CLU: variants seen among roughly 807,000 people sequenced by gnomAD.
The protein encoded by CLU is clusterin, also known as aging-associated protein 4.
A neutral mutation model predicts 46.4 loss-of-function variants in CLU; 25 were observed. That is an observed-to-expected ratio of 0.54 (90% confidence interval 0.39 to 0.75). The LOEUF is 0.75. Among genes scored for constraint, CLU ranks in the 30% least tolerant of loss-of-function variants. The pLI is 0.00. For missense variants in CLU, 504 were observed against 592.1 expected, an observed-to-expected ratio of 0.85 and a Z score of 1.54; for synonymous variants, 235 against 235.1, an observed-to-expected ratio of 1.00 and a Z score of 0.00.
chr8:27,606,837 T>A (rs1251051896), intron 3 of CLU, among the ~76,000 whole-genome samples: 2 of 152,238 alleles, frequency 1.3e-5, no homozygotes, highest in Non-Finnish European at 2.9e-5. Flanking sequence ...ATGACTACCC[T>A]CTCACTGAAG....
chr8:27,600,141 A>C, intron 6 of CLU, 132 bp from the exon 7 acceptor site: 1 of 720,764 alleles, frequency 1.4e-6, no homozygotes, highest in South Asian at 1.5e-5. Flanking sequence ...AAGGGCCACA[A>C]ACTGGAATTG....
rs144959547 is a variant in CLU, at chr8:27,598,486, C to A, written c.1314G>T (p.Ala438=). The A allele has an allele frequency of 1.4e-4, 224 of 1,614,038 alleles. No individual in the cohort carries two copies. In the African/African-American group the frequency reaches 2.6e-3, roughly 19 times the overall value. ...PKFMETVAEK[A]LQEYRKKHRE... is the part of the protein sequence containing the mutation. Reference sequence around the variant, plus strand: ...GGTGCTTTTTGCGGTATTCCTGCAGCGCTTTCTCCGCCACGGTCTCCATAA... The same window carrying A: ...GGTGCTTTTTGCGGTATTCCTGCAGAGCTTTCTCCGCCACGGTCTCCATAA... The change falls in exon 8 of 9, where the codon GCG becomes GCT. Residue 438 remains alanine, a synonymous_variant. Coordinates refer to ENST00000316403, the MANE Select transcript of CLU (RefSeq NM_001831.4).
intron 6 of CLU, 200 bp downstream of exon 6, chr8:27,604,091 G>A (rs964803949): frequency 1.7e-5 from 10 of 603,974 alleles, no homozygotes; most frequent in Non-Finnish European, 2.7e-5. Context: ...GGACAGCCTC[G>A]CATCATCATC....
In CLU at chr8:27,599,484, A is replaced by AAAC. The variant is rs771114415; in HGVS notation, c.1164+293_1164+295dup. The AAAC allele has an allele frequency of 9.5e-6, 4 of 421,272 alleles. No individual in the cohort carries two copies. In the South Asian group the frequency reaches 9.8e-5, roughly 10 times the overall value. 26.1% of individuals were successfully genotyped at this position (421,272 alleles called of 1,614,324 possible). The stretch of plus-strand genomic sequence containing the variant: ...TTCACAGATTTGTGCACCAAAACAA[A>AAAC]AACAACAACAACAAAATACAGGCTT... On this transcript the variant is annotated intron_variant, in intron 7 of 8. Transcript: ENST00000316403. This position sits in a 1 kb window ranked among gnomAD's most constrained non-coding sequence, Gnocchi z 4.0.
intron 3 of CLU, chr8:27,608,693 A>G: frequency 1.7e-6 from 1 of 595,538 alleles, no homozygotes. Flanking sequence ...CATCTATTGA[A>G]ATGAATCTGG....
At position 27,599,538 on chromosome 8, in the gene CLU, C is replaced by T. The variant is rs999859685; in HGVS notation, c.1164+242G>A. On this transcript the variant is annotated intron_variant, in intron 7 of 8. Coordinates refer to ENST00000316403, the MANE Select transcript of CLU (RefSeq NM_001831.4). This position sits in a 1 kb window ranked among gnomAD's most constrained non-coding sequence, Gnocchi z 4.0. Reference sequence around the variant, plus strand: ...AGCCAGGCAGTCAGGTTCAAATACCCGTCCAAGTCATCTGTCAGCTATCAC... The same window carrying T: ...AGCCAGGCAGTCAGGTTCAAATACCTGTCCAAGTCATCTGTCAGCTATCAC... 16 of 532,140 alleles carry T rather than the reference C, an allele frequency of 3.0e-5. No homozygotes were observed. Among genetic ancestry groups the T allele is most frequent in the East Asian group, 9.8e-5 (3 of 30,658 alleles). 33.0% of individuals were successfully genotyped at this position (532,140 alleles called of 1,614,324 possible). A position where few individuals can be genotyped will look rare whatever the true frequency, so the allele number is the denominator to read the frequency against.
chr8:27,606,191 C>G (rs1032631362), intron 4 of CLU, among the ~76,000 whole-genome samples, 163 bp downstream of exon 4: 2 of 152,216 alleles, frequency 1.3e-5, no homozygotes, highest in Non-Finnish European at 2.9e-5. Context: ...TTTGATGACT[C>G]CACTCTCTCT....
In CLU at chr8:27,598,647, A is replaced by G. The variant is rs1255019850; in HGVS notation, c.1165-12T>C. 2 of 1,613,636 alleles carry G rather than the reference A, an allele frequency of 1.2e-6. No homozygotes were observed. The highest frequency in any genetic ancestry group is 1.7e-5 in the Admixed American group (1 of 60,034). ...GTGTGGGAAGCCACCTAAATGGAAC[A>G]AGAGAAAAGGGAAGAGCTGAAACAC... is the stretch of plus-strand genomic sequence containing the variant. On this transcript the variant is annotated splice_polypyrimidine_tract_variant and intron_variant, in intron 7 of 8. Transcript: ENST00000316403.
intron 1 of CLU, chr8:27,611,441 A>T: frequency 2.2e-6 from 1 of 455,838 alleles, no homozygotes; most frequent in South Asian, 1.6e-5. Context: ...TCCTGCCACC[A>T]CTGGGCTGGC....
At position 27,599,810 on chromosome 8, in the gene CLU, G is replaced by A. The variant is rs141360379; in HGVS notation, c.1134C>T (p.Gly378=). Residue 378 remains glycine (G), a synonymous_variant, in exon 7 of 9, where the codon GGC becomes GGT. Coordinates refer to ENST00000316403, the MANE Select transcript of CLU (RefSeq NM_001831.4). The surrounding 1 kb of genome is among the most constrained non-coding windows in gnomAD (Gnocchi z 4.0). The part of the protein sequence containing the change: ...WVSRLANLTQ[G]EDQYYLRVTT... ...TGACCCGCAGATAGTACTGGTCTTC[G>A]CCTTGCGTGAGGTTTGCCAGCCGGG... is the stretch of plus-strand genomic sequence containing the variant. 26 of 1,613,088 alleles carry A rather than the reference G, an allele frequency of 1.6e-5. No homozygotes were observed. Among genetic ancestry groups the A allele is most frequent in the Middle Eastern group, 1.6e-4 (1 of 6,084 alleles).
At position 27,599,439 on chromosome 8, in the gene CLU, G is replaced by A. The variant is rs1339585963; in HGVS notation, c.1164+341C>T. 9.0e-6 allele frequency: 3 copies of A among 331,882 alleles called. No individual in the cohort carries two copies. Among genetic ancestry groups the A allele is most frequent in the Admixed American group, 4.4e-5 (1 of 22,782 alleles). 20.6% of individuals were successfully genotyped at this position (331,882 alleles called of 1,614,324 possible). A position where few individuals can be genotyped will look rare whatever the true frequency, so the allele number is the denominator to read the frequency against. ...GGGCAGCCTTGTAGCTTTGAGAAAA[G>A]AACAGAGGCTTCTGGTTTATTCACA... On this transcript the variant is annotated intron_variant, in intron 7 of 8. Transcript: ENST00000316403. The surrounding 1 kb of genome is among the most constrained non-coding windows in gnomAD (Gnocchi z 4.0).
intron 1 of CLU, chr8:27,611,381 TCC>T (rs1800927103): frequency 2.2e-6 from 1 of 456,796 alleles, no homozygotes; most frequent in Admixed American, 2.3e-5. Flanking sequence ...TGCCAGGCCC[TCC>T]ACACTGCCCA....
rs1490680956 is a variant in CLU, at chr8:27,604,358, G to A, written c.867C>T (p.Arg289=). 1.9e-6 allele frequency: 3 copies of A among 1,614,104 alleles called. No individual in the cohort carries two copies. The highest frequency in any genetic ancestry group is 2.5e-6 in the Non-Finnish European group (3 of 1,180,046). Residue 289 remains arginine, a synonymous_variant, in exon 6 of 9, where the codon CGC becomes CGT. Coordinates refer to ENST00000316403, the MANE Select transcript of CLU (RefSeq NM_001831.4). ...TCCGCAGGCAGCCCGTGGAGTTGTGGCGGATCTCCCGGCACACAGTCCGGT... is the reference window on the plus strand; with the variant it reads ...TCCGCAGGCAGCCCGTGGAGTTGTGACGGATCTCCCGGCACACAGTCCGGT... ...DDDRTVCREI[R]HNSTGCLRMK...
chr8:27,599,973 CGCAGCTTA>C lies in CLU; in HGVS notation c.963_970del (p.Lys322AlafsTer11). ...CTGGAGGGATTCGTCGAGCTCCCGC[CGCAGCTTA>C]GCCTGGGAGGGGTTGTTGGTGGAAC... On this transcript the variant is annotated frameshift_variant, in exon 7 of 9. Coordinates refer to ENST00000316403, the MANE Select transcript of CLU (RefSeq NM_001831.4). LOFTEE classifies it high-confidence loss of function. This position sits in a 1 kb window ranked among gnomAD's most constrained non-coding sequence, Gnocchi z 4.0. The C allele has an allele frequency of 1.9e-6, 3 of 1,614,162 alleles. No homozygotes were observed. The highest frequency in any genetic ancestry group is 2.5e-6 in the Non-Finnish European group (3 of 1,180,040).
chr8:27,610,429 C>A, intron 2 of CLU, 46 bp downstream of exon 2: 1 of 1,497,400 alleles, frequency 6.7e-7, no homozygotes, highest in South Asian at 1.1e-5. Context: ...TGCCCTCTGA[C>A]CTCATCACCC....
chr8:27,614,648 A>G lies in CLU; in HGVS notation c.-30+7T>C, dbSNP rs1367439929. 1 of 527,660 alleles carries G rather than the reference A, an allele frequency of 1.9e-6. No individual in the cohort carries two copies. The highest frequency in any genetic ancestry group is 3.9e-6 in the Non-Finnish European group (1 of 255,154). 32.7% of individuals were successfully genotyped at this position (527,660 alleles called of 1,614,324 possible). A position where few individuals can be genotyped will look rare whatever the true frequency, so the allele number is the denominator to read the frequency against. Reference sequence around the variant, plus strand: ...GCTCAAGGGTAGGGAAGACGGGGACATCTCACCGGTCAGCGGCACCCTGTG... The same window carrying G: ...GCTCAAGGGTAGGGAAGACGGGGACGTCTCACCGGTCAGCGGCACCCTGTG... On this transcript the variant is annotated splice_region_variant and intron_variant, in intron 1 of 8. Coordinates refer to ENST00000316403, the MANE Select transcript of CLU (RefSeq NM_001831.4).
chr8:27,598,090 C>T lies in CLU; in HGVS notation c.*151G>A. 1.4e-6 allele frequency: 1 copy of T among 739,184 alleles called. No individual in the cohort carries two copies. Among genetic ancestry groups the T allele is most frequent in the Non-Finnish European group, 2.5e-6 (1 of 405,880 alleles). 45.8% of individuals were successfully genotyped at this position (739,184 alleles called of 1,614,324 possible). A position where few individuals can be genotyped will look rare whatever the true frequency, so the allele number is the denominator to read the frequency against. ...GAGTCGAGTGTTAGAGTGCAGGATC[C>T]AGAGCGGGGAGAGGCTGGGCGGAGT... On this transcript the variant is annotated 3_prime_UTR_variant, in exon 9 of 9. Transcript: ENST00000316403.
At chr8:27,612,539 C>T (rs536323363) in intron 1 of CLU, among the ~76,000 whole-genome samples, 7 of 152,236 alleles carry the variant, frequency 4.6e-5, no homozygotes, top group South Asian at 2.1e-4. Context: ...TGTGGTCCCC[C>T]GGACTGTGTG....
In CLU at chr8:27,605,131, G is replaced by A; in HGVS notation, c.622C>T (p.Pro208Ser). ...REPQDTYHYL[P>S]FSLPHRRPHF... is the part of the protein sequence containing the mutation. ...GGCCTCCGGTGGGGCAGGCTGAAGG[G>A]CAGGTAGTGGTAGGTATCCTGGGGC... The change falls in exon 5 of 9, where the codon CCC becomes TCC. Residue 208 changes from proline to serine, a missense_variant. By Grantham distance (74) the Pro-to-Ser change is moderately conservative. Around this residue, in one of 3 missense-constraint regions of CLU, gnomAD observed 428 missense variants for 484.0 expected, o/e 0.88. Transcript: ENST00000316403. The A allele has an allele frequency of 6.2e-7, 1 of 1,614,186 alleles. No individual in the cohort carries two copies. The highest frequency in any genetic ancestry group is 8.5e-7 in the Non-Finnish European group (1 of 1,180,044).
Sources: gnomAD v4.1 joint callset for allele counts (sites outside exome capture counted in the v4.1 genomes callset) on GRCh38, gnomAD v4.1.1 for gene constraint, gnomAD v4.1.1 regional missense constraint, Gnocchi (gnomAD v3.1) non-coding constraint, MANE v1.5 for transcripts, NCBI Gene and HGNC (gene_info 2026-07-23, HGNC 2026-07-21) for gene names.